The following ELMO1 variants were observed in gnomAD, a reference collection of about 807,000 sequenced individuals.
ELMO1 encodes engulfment and cell motility 1.
Under a neutral mutation model 98.9 loss-of-function variants are expected in ELMO1, and 26 were observed. That is an observed-to-expected ratio of 0.26 (90% CI 0.19 to 0.36). The LOEUF (loss-of-function observed/expected upper bound fraction) is 0.36, where lower values mean the gene tolerates loss of function less well. Among genes scored for constraint, ELMO1 ranks in the 10% least tolerant of loss-of-function variants. The pLI, the probability that ELMO1 is intolerant of heterozygous loss-of-function variation, is 1.00. For missense variants in ELMO1, 627 were observed against 935.2 expected, an observed-to-expected ratio of 0.67 and a Z score of 4.30; for synonymous variants, 346 against 346.0, an observed-to-expected ratio of 1.00 and a Z score of 0.00.
chr7:36,947,616 C>T (rs1321340358), intron 16 of ELMO1, among the ~76,000 whole-genome samples: 1 of 152,194 alleles, frequency 6.6e-6, no homozygotes, highest in African/African-American at 2.4e-5. Flanking sequence ...CTGATCATGT[C>T]TTTCCTTAGC....
intron 18 of ELMO1, among the ~76,000 whole-genome samples, chr7:36,884,189 G>A (rs571381389): frequency 1.3e-5 from 2 of 152,160 alleles, no homozygotes; most frequent in Admixed American, 1.3e-4. Context: ...CGGGCATGGT[G>A]GCGGGTGCCT....
chr7:36,865,633 A>C (rs1323079021), intron 20 of ELMO1, among the ~76,000 whole-genome samples: 2 of 152,152 alleles, frequency 1.3e-5, no homozygotes. Flanking sequence ...TCTTCTCCTC[A>C]TTCTCTGCCT....
chr7:37,155,421 C>T (rs1027722577), intron 13 of ELMO1, among the ~76,000 whole-genome samples: 1 of 138,596 alleles, frequency 7.2e-6, no homozygotes, highest in Non-Finnish European at 1.5e-5. Flanking sequence ...AGACCCATCT[C>T]ATGTGCAAAG....
chr7:37,244,432 A>T (rs778512820), intron 6 of ELMO1, 41 bp from the exon 7 acceptor site: 23 of 1,601,564 alleles, frequency 1.4e-5, no homozygotes, highest in Non-Finnish European at 1.7e-5. Context: ...GCATACTTAA[A>T]AGCAACAATT....
intron 16 of ELMO1, among the ~76,000 whole-genome samples, chr7:36,950,309 C>T (rs139016307): frequency 1.3e-5 from 2 of 152,322 alleles, no homozygotes; most frequent in Non-Finnish European, 2.9e-5. Flanking sequence ...GAGCAGCCCA[C>T]AGTAGCTTTT....
intron 13 of ELMO1, among the ~76,000 whole-genome samples, chr7:37,198,358 C>A (rs1291019315): frequency 1.3e-5 from 2 of 152,212 alleles, no homozygotes; most frequent in Non-Finnish European, 2.9e-5. Context: ...CTCATTTCCA[C>A]CATCAGATCC....
At chr7:36,932,523 G>T (rs957167524) in intron 16 of ELMO1, among the ~76,000 whole-genome samples, 1 of 152,202 alleles carries the variant, frequency 6.6e-6, no homozygotes, top group African/African-American at 2.4e-5. Context: ...GCTTACTCTT[G>T]TGGGGGCAAG....
intron 15 of ELMO1, among the ~76,000 whole-genome samples, chr7:37,021,342 C>G (rs1169229293): frequency 6.6e-6 from 1 of 152,046 alleles, no homozygotes. Context: ...TCTTTTGTAT[C>G]CTAAAAATAG....
At chr7:37,137,841 T>A (rs979723511) in intron 13 of ELMO1, among the ~76,000 whole-genome samples, 2 of 152,026 alleles carry the variant, frequency 1.3e-5, no homozygotes, top group South Asian at 2.1e-4. Context: ...CTGGCCCAAG[T>A]CTCAGTAAAT....
chr7:37,043,311 G>T (rs896270306), intron 15 of ELMO1, among the ~76,000 whole-genome samples: 1 of 152,196 alleles, frequency 6.6e-6, no homozygotes, highest in Non-Finnish European at 1.5e-5. Flanking sequence ...AGCAGTTCTC[G>T]TCCCTGTGCC....
At chr7:36,972,470 T>C (rs1029647658) in intron 16 of ELMO1, among the ~76,000 whole-genome samples, 1 of 152,210 alleles carries the variant, frequency 6.6e-6, no homozygotes, top group African/African-American at 2.4e-5. Flanking sequence ...TGTCTCACAG[T>C]TCTGGAGGCT....
intron 14 of ELMO1, among the ~76,000 whole-genome samples, chr7:37,109,716 G>T (rs1391616306): frequency 2.0e-5 from 3 of 152,076 alleles, no homozygotes; most frequent in Non-Finnish European, 4.4e-5. Flanking sequence ...TAACAGTTCT[G>T]ATTCCAAGTC....
chr7:36,865,630 C>T (rs1201928747), intron 20 of ELMO1, among the ~76,000 whole-genome samples: 1 of 152,208 alleles, frequency 6.6e-6, no homozygotes, highest in Non-Finnish European at 1.5e-5. Flanking sequence ...AAGTCTTCTC[C>T]TCATTCTCTG....
intron 1 of ELMO1, among the ~76,000 whole-genome samples, chr7:37,401,017 A>C (rs1803506106): frequency 6.6e-6 from 1 of 152,168 alleles, no homozygotes; most frequent in South Asian, 2.1e-4. Flanking sequence ...GCCTGACTGA[A>C]TGCTTTCACC....
At chr7:37,365,969 A>G (rs1801888900) in intron 1 of ELMO1, among the ~76,000 whole-genome samples, 1 of 152,262 alleles carries the variant, frequency 6.6e-6, no homozygotes, top group African/African-American at 2.4e-5. Context: ...CTGATAGATG[A>G]ATGCCCAAGA....
At chr7:37,075,606 T>A (rs933657755) in intron 15 of ELMO1, among the ~76,000 whole-genome samples, 1 of 152,178 alleles carries the variant, frequency 6.6e-6, no homozygotes, top group African/African-American at 2.4e-5. Flanking sequence ...ATGGACACTG[T>A]CCTTTTATTT....
chr7:37,318,220 C>T (rs1021613155), intron 2 of ELMO1, among the ~76,000 whole-genome samples: 4 of 152,168 alleles, frequency 2.6e-5, no homozygotes, highest in African/African-American at 9.7e-5. Flanking sequence ...AAAGGAACTT[C>T]AGAAACAAAA....
intron 16 of ELMO1, among the ~76,000 whole-genome samples, chr7:36,981,377 T>C (rs1040933735): frequency 1.3e-5 from 2 of 151,894 alleles, no homozygotes; most frequent in African/African-American, 4.8e-5. Flanking sequence ...ATAAATCTTT[T>C]GGGGAGTGAA....
intron 2 of ELMO1, among the ~76,000 whole-genome samples, chr7:37,331,332 G>GATTTTTTT (rs1475509598): frequency 6.4e-5 from 1 of 15,678 alleles, no homozygotes; most frequent in African/African-American, 1.6e-4. Flanking sequence ...GCCACGCCTG[G>GATTTTTTT]CTTTTTTTTT....
Sources: allele counts gnomAD v4.1 joint callset (sites outside exome capture counted in the v4.1 genomes callset), GRCh38; gene constraint gnomAD v4.1.1; transcripts MANE v1.5; gene names NCBI Gene and HGNC (gene_info 2026-07-23, HGNC 2026-07-21).